The following CACNA2D4 variants were observed in gnomAD, a reference collection of about 807,000 sequenced individuals.
The protein encoded by CACNA2D4 is calcium voltage-gated channel auxiliary subunit alpha2delta 4, also known as voltage-dependent calcium channel subunit alpha-2/delta-4.
CACNA2D4 carries 157 observed loss-of-function variants against 163.8 expected under a neutral mutation model. The ratio of observed to expected loss-of-function variants is 0.96; its 90% confidence interval spans 0.84 to 1.09. The LOEUF is 1.09. Ranked by LOEUF, CACNA2D4 falls within the 50% of genes least tolerant of loss-of-function variation. The pLI is 0.00. For synonymous variants in CACNA2D4, 598 were observed against 586.9 expected, an observed-to-expected ratio of 1.02 and a Z score of -0.27; for missense variants, 1,410 against 1,479.9, an observed-to-expected ratio of 0.95 and a Z score of 0.78.
At chr12:1,877,481 C>T (rs1592728069) in intron 16 of CACNA2D4, among the ~76,000 whole-genome samples, 1 of 152,166 alleles carries the variant, frequency 6.6e-6, no homozygotes, top group Admixed American at 6.5e-5. Context: ...TATTCAGAAC[C>T]CCTAGAGTTT....
rs1864029576 is a variant in CACNA2D4, at chr12:1,820,090, ACT to A, written c.2552-8369_2552-8368del. On this transcript the variant is annotated intron_variant, in intron 26 of 37. Coordinates refer to ENST00000382722, the MANE Select transcript of CACNA2D4 (RefSeq NM_172364.5). This position sits in a 1 kb window ranked among gnomAD's most constrained non-coding sequence, Gnocchi z 6.0. ...TTCCTTCTCTCAGGCAGGATGGGAG[ACT>A]CTGCCTCGCATGTCTCTAAAACAGG... Among the ~76,000 whole-genome samples the A allele has an allele frequency of 6.6e-6, 1 of 151,794 alleles. No homozygotes were observed. Among genetic ancestry groups the A allele is most frequent in the African/African-American group, 2.4e-5 (1 of 41,358 alleles).
intron 18 of CACNA2D4, among the ~76,000 whole-genome samples, chr12:1,872,999 A>G (rs1865816175): frequency 6.6e-6 from 1 of 152,104 alleles, no homozygotes. Flanking sequence ...GCAGTTACAC[A>G]TGGGCTTTGC....
intron 22 of CACNA2D4, among the ~76,000 whole-genome samples, chr12:1,855,344 G>A (rs57854489): frequency 0.07 from 10,603 of 152,172 alleles, 847 homozygotes; most frequent in East Asian, 0.4. Flanking sequence ...CTTCTTATGC[G>A]GGTGACAATT....
chr12:1,810,233 C>G (rs777223631), intron 29 of CACNA2D4, 45 bp downstream of exon 29: 7 of 1,529,392 alleles, frequency 4.6e-6, no homozygotes, highest in Non-Finnish European at 6.3e-6. Context: ...GTCTCCAGTC[C>G]TCCTGCCGCC....
In CACNA2D4 at chr12:1,886,039, A is replaced by G; in HGVS notation, c.994T>C (p.Tyr332His). The change falls in exon 9 of 38, where the codon TAC (tyrosine) becomes CAC (histidine). Residue 332 changes from tyrosine (Y) to histidine (H), a missense_variant and splice_region_variant. Transcript: ENST00000382722. ...GENDFINIIA[Y>H]NDYVHYIEPC... ...TCGATGTAATGGACGTAGTCATTGTACTGCAGTTGCAGTGAGTTGAGGGGA... is the reference window on the plus strand; with the variant it reads ...TCGATGTAATGGACGTAGTCATTGTGCTGCAGTTGCAGTGAGTTGAGGGGA... 5.0e-6 allele frequency: 8 copies of G among 1,612,766 alleles called. No homozygotes were observed. The highest frequency in any genetic ancestry group is 6.8e-6 in the Non-Finnish European group (8 of 1,178,860).
At chr12:1,825,526 T>G (rs1864277738) in intron 26 of CACNA2D4, among the ~76,000 whole-genome samples, 1 of 152,214 alleles carries the variant, frequency 6.6e-6, no homozygotes, top group South Asian at 2.1e-4. Flanking sequence ...ATTTGGGAAC[T>G]TAGAGGCATC....
intron 16 of CACNA2D4, among the ~76,000 whole-genome samples, chr12:1,876,261 G>A (rs1220067347): frequency 6.6e-6 from 1 of 152,142 alleles, no homozygotes; most frequent in African/African-American, 2.4e-5. Flanking sequence ...TCATCTTAGG[G>A]ATAAAATATT....
chr12:1,817,995 T>C (rs1265909366), intron 26 of CACNA2D4, among the ~76,000 whole-genome samples: 1 of 147,062 alleles, frequency 6.8e-6, no homozygotes, highest in African/African-American at 2.6e-5. Context: ...GTCTGGGAAG[T>C]GAGGAGCGCC....
chr12:1,851,623 T>C (rs1865280491), intron 23 of CACNA2D4, among the ~76,000 whole-genome samples: 1 of 150,398 alleles, frequency 6.6e-6, no homozygotes, highest in African/African-American at 2.4e-5. Flanking sequence ...AGGCCCAACC[T>C]CCCTTCTTTG....
At chr12:1,846,792 G>A (rs11836253) in intron 23 of CACNA2D4, 103 bp from the exon 24 acceptor site, 2 of 946,404 alleles carry the variant, frequency 2.1e-6, no homozygotes, top group African/African-American at 3.2e-5. Context: ...TGCCTGGCCT[G>A]GCTCAGGGAA....
intron 26 of CACNA2D4, chr12:1,836,766 A>G (rs1864874188): frequency 6.6e-6 from 1 of 152,644 alleles, no homozygotes; most frequent in South Asian, 2.1e-4. Flanking sequence ...TCCTGGTTTC[A>G]TTGGGTGGGA....
chr12:1,805,508 C>T (rs550281024), intron 29 of CACNA2D4, among the ~76,000 whole-genome samples: 3 of 152,334 alleles, frequency 2.0e-5, no homozygotes, highest in South Asian at 2.1e-4. Flanking sequence ...TGGCTCGGGT[C>T]GGGATCAGTT....
chr12:1,881,363 G>A (rs1865992387), intron 13 of CACNA2D4, among the ~76,000 whole-genome samples: 1 of 152,200 alleles, frequency 6.6e-6, no homozygotes, highest in East Asian at 1.9e-4. Context: ...CCCACCTTCT[G>A]CCAAACTCAC....
chr12:1,845,555 G>A (rs1865125921), intron 24 of CACNA2D4, among the ~76,000 whole-genome samples: 1 of 152,306 alleles, frequency 6.6e-6, no homozygotes, highest in Non-Finnish European at 1.5e-5. Flanking sequence ...AGCAGCTGGC[G>A]GGTGGGAGGC....
chr12:1,800,749 G>C (rs1863289250), intron 31 of CACNA2D4: 1 of 591,896 alleles, frequency 1.7e-6, no homozygotes, highest in Non-Finnish European at 3.0e-6. Flanking sequence ...TGGTGATCAA[G>C]CGGCAGTGTC....
rs371056648 is a variant in CACNA2D4 at position 1,834,517 on chromosome 12, C to T, written c.2551+6222G>A. 39 of 1,605,836 alleles carry T rather than the reference C, an allele frequency of 2.4e-5. No individual in the cohort carries two copies. Among genetic ancestry groups the T allele is most frequent in the Non-Finnish European group, 2.7e-5 (32 of 1,179,884 alleles). On this transcript the variant is annotated intron_variant, in intron 26 of 37. Coordinates refer to ENST00000382722, the MANE Select transcript of CACNA2D4 (RefSeq NM_172364.5). The surrounding 1 kb of genome is among the most constrained non-coding windows in gnomAD (Gnocchi z 7.6). ...AGAAGCAGAGGCACCGGCCGGCGAG[C>T]GTGAGGCGAGCCATGGGCACGGTGA...
Position 1,793,479 on chromosome 12 carries a change from T to G in CACNA2D4, c.*176A>C. The G allele has an allele frequency of 1.5e-6, 1 of 645,658 alleles. No individual in the cohort carries two copies. The highest frequency in any genetic ancestry group is 2.8e-6 in the Non-Finnish European group (1 of 352,528). The allele number at this position is 645,658 out of a possible 1,614,324, so 40.0% of individuals were successfully genotyped here. On this transcript the variant is annotated 3_prime_UTR_variant, in exon 38 of 38. Coordinates refer to ENST00000382722, the MANE Select transcript of CACNA2D4 (RefSeq NM_172364.5). ...CATCTTGAAAGTGGTGCCAGGTGAT[T>G]GGTTTCCTGTTCCATCCAGCATTCT...
intron 26 of CACNA2D4, among the ~76,000 whole-genome samples, chr12:1,821,662 C>T (rs967368285): frequency 3.9e-5 from 6 of 152,122 alleles, no homozygotes; most frequent in African/African-American, 1.4e-4. Context: ...GCTTCTTGAC[C>T]CACACAGGGG....
At position 1,918,482 on chromosome 12, in the gene CACNA2D4, T is replaced by C. The variant is rs908880616; in HGVS notation, c.-9A>G. On this transcript the variant is annotated 5_prime_UTR_variant, in exon 1 of 38. Coordinates refer to ENST00000382722, the MANE Select transcript of CACNA2D4 (RefSeq NM_172364.5). ...GAGCAGCCACAGACCATGAGCTCTG[T>C]CTGCCTTCCTCCCAGACCCCAGGAC... 5.2e-6 allele frequency: 8 copies of C among 1,549,878 alleles called. No individual in the cohort carries two copies. The highest frequency in any genetic ancestry group is 7.0e-6 in the Non-Finnish European group (8 of 1,146,450).
Sources: gnomAD v4.1 joint callset for allele counts (sites outside exome capture counted in the v4.1 genomes callset) on GRCh38, gnomAD v4.1.1 for gene constraint, Gnocchi (gnomAD v3.1) non-coding constraint, MANE v1.5 for transcripts, NCBI Gene and HGNC (gene_info 2026-07-23, HGNC 2026-07-21) for gene names.